Variants in PRR22 observed in about 807,000 individuals in gnomAD.
PRR22 encodes proline-rich protein 22.
Under a neutral mutation model 7.2 loss-of-function variants are expected in PRR22, and 5 were observed. The observed-to-expected ratio is 0.69, with a 90% CI of 0.36 to 1.45. The LOEUF is 1.45. Ranked by LOEUF, PRR22 falls within the 40% of genes most tolerant of loss-of-function variation. PRR22 has a pLI of 0.03. For synonymous variants in PRR22, 319 were observed against 269.3 expected, an observed-to-expected ratio of 1.18 and a Z score of -1.81; for missense variants, 619 against 568.8, an observed-to-expected ratio of 1.09 and a Z score of -0.90.
At position 5,783,030 on chromosome 19, in the gene PRR22, G is replaced by A. The variant is rs574525139; in HGVS notation, c.1217C>T (p.Ala406Val). Reference sequence around the variant, plus strand: ...CCTGGGCCCCGGGGGAGTGGCGCTGGCTGGGCCTGCCGGCTGCCTGGCCTT... The same window carrying A: ...CCTGGGCCCCGGGGGAGTGGCGCTGACTGGGCCTGCCGGCTGCCTGGCCTT... ...GRKARQPAGP[A>V]SATPPGPRED... Residue 406 changes from alanine (A) to valine (V), a missense_variant, in exon 3 of 3, where the codon GCC becomes GTC. Coordinates refer to ENST00000419421, the MANE Select transcript of PRR22 (RefSeq NM_001134316.2). The A allele has an allele frequency of 5.1e-6, 8 of 1,562,256 alleles. 1 individual carries two copies. In the South Asian group the frequency reaches 7.3e-5, roughly 14 times the overall value.
Position 5,784,581 on chromosome 19 carries a change from A to T in PRR22, c.80T>A (p.Val27Glu). Residue 27 changes from valine to glutamate, a missense_variant, in exon 1 of 3, where the codon GTG (valine) becomes GAG (glutamate). Coordinates refer to ENST00000419421, the MANE Select transcript of PRR22 (RefSeq NM_001134316.2). ...FSPQSLEGAE[V>E]LGNQPAPTCA... is the part of the protein sequence containing the mutation. ...GGTGGGAGCAGGCTGGTTGCCCAGCACCTCAGCCCCCTCCAGACTCTGCGG... is the reference window on the plus strand; with the variant it reads ...GGTGGGAGCAGGCTGGTTGCCCAGCTCCTCAGCCCCCTCCAGACTCTGCGG... 8 of 1,545,620 alleles carry T rather than the reference A, an allele frequency of 5.2e-6. No individual in the cohort carries two copies. The highest frequency in any genetic ancestry group is 7.0e-6 in the Non-Finnish European group (8 of 1,146,870).
In PRR22 at chr19:5,784,351, G is replaced by A. The variant is rs571986639; in HGVS notation, c.193+26C>T. 157 of 1,606,732 alleles carry A rather than the reference G, an allele frequency of 9.8e-5. 1 individual carries two copies. The African/African-American group carries it at 1.7e-3, about 18-fold the overall frequency. On this transcript the variant is annotated intron_variant, in intron 2 of 2. Transcript: ENST00000419421. ...CACACTCAAACCCACTCCCAGCCTC[G>A]TCAAGGGCTCAGGGGAGGCCGGTAC...
Position 5,783,703 on chromosome 19 carries a change from G to A in PRR22, c.544C>T (p.Pro182Ser). ...TCCTTGGGGGGTGGGGGTGGCAGCG[G>A]GGCCGGGCCTTCCTCTAGGGGCGGT... ...PLPPLEEGPA[P>S]LPPPPPKENK... Residue 182 changes from proline to serine, a missense_variant, in exon 3 of 3, where the codon CCG becomes TCG. Coordinates refer to ENST00000419421, the MANE Select transcript of PRR22 (RefSeq NM_001134316.2). 6.6e-7 allele frequency: 1 copy of A among 1,516,070 alleles called. No homozygotes were observed. The highest frequency in any genetic ancestry group is 8.8e-7 in the Non-Finnish European group (1 of 1,131,426). The allele number at this position is 1,516,070 out of a possible 1,614,324, so 93.9% of individuals were successfully genotyped here. A position where few individuals can be genotyped will look rare whatever the true frequency, so the allele number is the denominator to read the frequency against.
At position 5,783,409 on chromosome 19, in the gene PRR22, G is replaced by C. The variant is rs772568320; in HGVS notation, c.838C>G (p.Leu280Val). 4 of 1,612,568 alleles carry C rather than the reference G, an allele frequency of 2.5e-6. No individual in the cohort carries two copies. Among genetic ancestry groups the C allele is most frequent in the Non-Finnish European group, 3.4e-6 (4 of 1,179,910 alleles). The change falls in exon 3 of 3, where the codon CTG becomes GTG. Residue 280 changes from leucine to valine, a missense_variant. Physicochemically the swap from Leu to Val is conservative, Grantham distance 32. Coordinates refer to ENST00000419421, the MANE Select transcript of PRR22 (RefSeq NM_001134316.2). ...TCCTCCAGCAGAACCTTGTCAGGCAGTGCCAAAGCTCTGGCCGTCTTGGGG... is the reference window on the plus strand; with the variant it reads ...TCCTCCAGCAGAACCTTGTCAGGCACTGCCAAAGCTCTGGCCGTCTTGGGG... ...KAPKTARALA[L>V]PDKVLLEDAM...
chr19:5,783,090 T>A lies in PRR22; in HGVS notation c.1157A>T (p.Lys386Met), dbSNP rs757893490. 2 of 1,608,584 alleles carry A rather than the reference T, an allele frequency of 1.2e-6. No individual in the cohort carries two copies. Among genetic ancestry groups the A allele is most frequent in the East Asian group, 4.5e-5 (2 of 44,752 alleles). ...CTTTCCCTTCTTGGCCGTCGAGGCC[T>A]TTCTCTTGCCAGACAGAATGGGGGC... ...TPAPILSGKR[K>M]ASTAKKGKPG... The change falls in exon 3 of 3, where the codon AAG (lysine) becomes ATG (methionine). Residue 386 changes from lysine to methionine, a missense_variant. Transcript: ENST00000419421.
Position 5,783,227 on chromosome 19 carries a change from G to A in PRR22, c.1020C>T (p.Tyr340=), listed in dbSNP as rs373584660. 9.3e-6 allele frequency: 15 copies of A among 1,612,700 alleles called. No individual in the cohort carries two copies. In the African/African-American group the frequency reaches 1.6e-4, roughly 17 times the overall value. The change falls in exon 3 of 3, where the codon TAC becomes TAT. Residue 340 remains tyrosine, a synonymous_variant. Coordinates refer to ENST00000419421, the MANE Select transcript of PRR22 (RefSeq NM_001134316.2). ...CGGTGTCCAGGATCTCAGGCACGCT[G>A]TAGTCAAAGGACAGCAGCTCCTCGG... is the stretch of plus-strand genomic sequence containing the variant. ...CLPEELLSFD[Y]SVPEILDTVS...
chr19:5,783,546 A>T lies in PRR22; in HGVS notation c.701T>A (p.Leu234Gln). Reference protein sequence around the residue: ...PEPLAFPVKELQGSGARPGVP... With the variant: ...PEPLAFPVKEQQGSGARPGVP... The stretch of plus-strand genomic sequence containing the variant: ...CCCAGGTCGGGCCCCACTGCCCTGC[A>T]GCTCCTTGACGGGGAAGGCCAGGGG... Residue 234 changes from leucine (L) to glutamine (Q), a missense_variant, in exon 3 of 3, where the codon CTG becomes CAG. Coordinates refer to ENST00000419421, the MANE Select transcript of PRR22 (RefSeq NM_001134316.2). 1 of 1,604,608 alleles carries T rather than the reference A, an allele frequency of 6.2e-7. No individual in the cohort carries two copies. Among genetic ancestry groups the T allele is most frequent in the Non-Finnish European group, 8.5e-7 (1 of 1,176,688 alleles).
At position 5,784,205 on chromosome 19, in the gene PRR22, GTGA is replaced by G. The variant is rs747302217; in HGVS notation, c.194-155_194-153del. On this transcript the variant is annotated intron_variant, in intron 2 of 2. Coordinates refer to ENST00000419421, the MANE Select transcript of PRR22 (RefSeq NM_001134316.2). ...GATATTGCTTTGGGGCCCTGGCTGG[GTGA>G]TGGATGACACAGAGCTTGTCTTTGG... The G allele has an allele frequency of 1.4e-5, 15 of 1,063,920 alleles. No individual in the cohort carries two copies. In the South Asian group the frequency reaches 1.8e-4, roughly 13 times the overall value. 65.9% of individuals were successfully genotyped at this position (1,063,920 alleles called of 1,614,324 possible).
chr19:5,783,102 G>C lies in PRR22; in HGVS notation c.1145C>G (p.Ser382Cys). 2 of 1,610,686 alleles carry C rather than the reference G, an allele frequency of 1.2e-6. No individual in the cohort carries two copies. The highest frequency in any genetic ancestry group is 1.7e-6 in the Non-Finnish European group (2 of 1,178,522). The change falls in exon 3 of 3, where the codon TCT becomes TGT. Residue 382 changes from serine (S) to cysteine (C), a missense_variant. Transcript: ENST00000419421. ...PATNTPAPIL[S>C]GKRKASTAKK... ...GGCCGTCGAGGCCTTTCTCTTGCCA[G>C]ACAGAATGGGGGCCGGGGTGTTGGT...
rs1279767645 is a variant in PRR22 at position 5,784,687 on chromosome 19, A to G, written c.-27T>C. 1 of 1,527,606 alleles carries G rather than the reference A, an allele frequency of 6.5e-7. No individual in the cohort carries two copies. Among genetic ancestry groups the G allele is most frequent in the East Asian group, 2.4e-5 (1 of 40,820 alleles). The allele number at this position is 1,527,606 out of a possible 1,614,324, so 94.6% of individuals were successfully genotyped here. A position where few individuals can be genotyped will look rare whatever the true frequency, so the allele number is the denominator to read the frequency against. ...GGGCAGCGGGGGGCCCGGTCCAGACAGGCCAGGAGGGCGGCAGTGGGAGTG... is the reference window on the plus strand; with the variant it reads ...GGGCAGCGGGGGGCCCGGTCCAGACGGGCCAGGAGGGCGGCAGTGGGAGTG... On this transcript the variant is annotated 5_prime_UTR_variant, in exon 1 of 3. Coordinates refer to ENST00000419421, the MANE Select transcript of PRR22 (RefSeq NM_001134316.2).
chr19:5,783,305 C>A lies in PRR22; in HGVS notation c.942G>T (p.Leu314=), dbSNP rs1203801932. The stretch of plus-strand genomic sequence containing the variant: ...CTGAGTTCCCACCACTGCTGTCAGG[C>A]AGGGCCGGCCCAGGGACCTCGCACA... ...GTLCEVPGPA[L]PDSSGGNSAD... is the part of the protein sequence containing the mutation. The change falls in exon 3 of 3, where the codon CTG becomes CTT. Residue 314 remains leucine (L), a synonymous_variant. Coordinates refer to ENST00000419421, the MANE Select transcript of PRR22 (RefSeq NM_001134316.2). The A allele has an allele frequency of 6.2e-7, 1 of 1,612,824 alleles. No individual in the cohort carries two copies. Among genetic ancestry groups the A allele is most frequent in the East Asian group, 2.2e-5 (1 of 44,888 alleles).
rs1157796332 is a variant in PRR22, at chr19:5,783,146, G to A, written c.1101C>T (p.Pro367=). Residue 367 remains proline (P), a synonymous_variant, in exon 3 of 3, where the codon CCC becomes CCT. Coordinates refer to ENST00000419421, the MANE Select transcript of PRR22 (RefSeq NM_001134316.2). ...TGTTGGTGGCAGGGGGCCCCGGGTG[G>A]GGCGGCTGCTCCTCGTCGAGCGCCT... ...NFKALDEEQP[P]HPGPPATNTP... 6.8e-6 allele frequency: 11 copies of A among 1,612,478 alleles called. 3 individuals are homozygous for A. The African/African-American group carries it at 9.3e-5, about 14-fold the overall frequency.
Position 5,783,220 on chromosome 19 carries a change from G to T in PRR22, c.1027C>A (p.Pro343Thr), listed in dbSNP as rs752846662. Residue 343 changes from proline to threonine, a missense_variant, in exon 3 of 3, where the codon CCT (proline) becomes ACT (threonine). Physicochemically the swap from Pro to Thr is conservative, Grantham distance 38. Transcript: ENST00000419421. ...TTGGACACGGTGTCCAGGATCTCAG[G>T]CACGCTGTAGTCAAAGGACAGCAGC... ...EELLSFDYSV[P>T]EILDTVSNVD... The T allele has an allele frequency of 2.7e-5, 44 of 1,612,688 alleles. No individual in the cohort carries two copies. Among genetic ancestry groups the T allele is most frequent in the Non-Finnish European group, 3.7e-5 (44 of 1,179,994 alleles).
At position 5,783,247 on chromosome 19, in the gene PRR22, C is replaced by A. The variant is rs779829356; in HGVS notation, c.1000G>T (p.Glu334Ter). Residue 334 changes from glutamate to a stop codon, truncating the protein, a stop_gained, in exon 3 of 3, where the codon GAG (glutamate) becomes TAG (stop). Transcript: ENST00000419421. LOFTEE classifies it low-confidence loss of function (END_TRUNC). ...DDIRSLCLPE[E>*]LLSFDYSVPE... ...ACGCTGTAGTCAAAGGACAGCAGCT[C>A]CTCGGGCAGGCACAGCGAGCGGATG... The A allele has an allele frequency of 1.2e-6, 2 of 1,612,698 alleles. No individual in the cohort carries two copies. Among genetic ancestry groups the A allele is most frequent in the Admixed American group, 3.3e-5 (2 of 59,990 alleles).
Position 5,783,116 on chromosome 19 carries a change from C to G in PRR22, c.1131G>C (p.Pro377=). ...TTCTCTTGCCAGACAGAATGGGGGC[C>G]GGGGTGTTGGTGGCAGGGGGCCCCG... ...PHPGPPATNT[P]APILSGKRKA... Residue 377 remains proline, a synonymous_variant, in exon 3 of 3, where the codon CCG becomes CCC. Transcript: ENST00000419421. 6.2e-7 allele frequency: 1 copy of G among 1,612,142 alleles called. No individual in the cohort carries two copies. The highest frequency in any genetic ancestry group is 8.5e-7 in the Non-Finnish European group (1 of 1,179,648).
In PRR22 at chr19:5,784,068, C is replaced by T. The variant is rs764295775; in HGVS notation, c.194-15G>A. ...CATCTGGAAACCTGTGGGCGGCAGG[C>T]GGGTGCCCTGAGAGCAGCTGCTGCC... On this transcript the variant is annotated splice_polypyrimidine_tract_variant and intron_variant, in intron 2 of 2. Coordinates refer to ENST00000419421, the MANE Select transcript of PRR22 (RefSeq NM_001134316.2). 19 of 1,609,668 alleles carry T rather than the reference C, an allele frequency of 1.2e-5. No homozygotes were observed. Among genetic ancestry groups the T allele is most frequent in the East Asian group, 2.2e-5 (1 of 44,874 alleles).
In PRR22 at chr19:5,783,302, A is replaced by G. The variant is rs768539609; in HGVS notation, c.945T>C (p.Pro315=). The part of the protein sequence containing the change: ...TLCEVPGPAL[P]DSSGGNSADD... ...CGGCTGAGTTCCCACCACTGCTGTC[A>G]GGCAGGGCCGGCCCAGGGACCTCGC... The change falls in exon 3 of 3, where the codon CCT becomes CCC. Residue 315 remains proline, a synonymous_variant. Coordinates refer to ENST00000419421, the MANE Select transcript of PRR22 (RefSeq NM_001134316.2). 2 of 1,612,822 alleles carry G rather than the reference A, an allele frequency of 1.2e-6. No individual in the cohort carries two copies. Among genetic ancestry groups the G allele is most frequent in the Admixed American group, 1.7e-5 (1 of 60,020 alleles).
chr19:5,783,234 A>T lies in PRR22; in HGVS notation c.1013T>A (p.Phe338Tyr). The T allele has an allele frequency of 6.2e-7, 1 of 1,612,788 alleles. No homozygotes were observed. Among genetic ancestry groups the T allele is most frequent in the Non-Finnish European group, 8.5e-7 (1 of 1,179,970 alleles). ...CAGGATCTCAGGCACGCTGTAGTCA[A>T]AGGACAGCAGCTCCTCGGGCAGGCA... ...SLCLPEELLSFDYSVPEILDT... is the reference protein window; with the variant it reads ...SLCLPEELLSYDYSVPEILDT... The change falls in exon 3 of 3, where the codon TTT (phenylalanine) becomes TAT (tyrosine). Residue 338 changes from phenylalanine to tyrosine, a missense_variant. Transcript: ENST00000419421.
At position 5,784,066 on chromosome 19, in the gene PRR22, G is replaced by A. The variant is rs1171990723; in HGVS notation, c.194-13C>T. The stretch of plus-strand genomic sequence containing the variant: ...GCCATCTGGAAACCTGTGGGCGGCA[G>A]GCGGGTGCCCTGAGAGCAGCTGCTG... On this transcript the variant is annotated splice_polypyrimidine_tract_variant and intron_variant, in intron 2 of 2. Transcript: ENST00000419421. 6.2e-7 allele frequency: 1 copy of A among 1,610,558 alleles called. No homozygotes were observed. The highest frequency in any genetic ancestry group is 8.5e-7 in the Non-Finnish European group (1 of 1,178,288).
Sources: gnomAD v4.1 joint callset for allele counts on GRCh38, gnomAD v4.1.1 for gene constraint, MANE v1.5 for transcripts, NCBI Gene and HGNC (gene_info 2026-07-23, HGNC 2026-07-21) for gene names.